The following CBFA2T3 variants were observed in gnomAD, a reference collection of about 807,000 sequenced individuals.
The protein encoded by CBFA2T3 is CBFA2/RUNX1 partner transcriptional co-repressor 3.
CBFA2T3 carries 31 observed loss-of-function variants against 58.6 expected under a neutral mutation model. That is an observed-to-expected ratio of 0.53 (90% CI 0.40 to 0.71). CBFA2T3 has a LOEUF of 0.71. Ranked by LOEUF, CBFA2T3 falls within the 30% of genes least tolerant of loss-of-function variation. CBFA2T3 has a pLI of 0.00. For missense variants in CBFA2T3, 1,076 were observed against 963.1 expected (o/e 1.12, Z -1.55); for synonymous variants, 531 against 421.9 (o/e 1.26, Z -3.17).
intron 1 of CBFA2T3, among the ~76,000 whole-genome samples, chr16:88,904,194 G>A (rs1970213511): frequency 6.6e-6 from 1 of 152,192 alleles, no homozygotes; most frequent in South Asian, 2.1e-4. Flanking sequence ...AGCAGTCGGG[G>A]ACTTCATGTG....
At chr16:88,923,161 G>A (rs1479365287) in intron 1 of CBFA2T3, among the ~76,000 whole-genome samples, 1 of 152,228 alleles carries the variant, frequency 6.6e-6, no homozygotes, top group African/African-American at 2.4e-5. Context: ...GGCACAGCAG[G>A]TTGGCGAGCT....
At chr16:88,893,754 A>T (rs1345908116) in intron 3 of CBFA2T3, among the ~76,000 whole-genome samples, 1 of 152,198 alleles carries the variant, frequency 6.6e-6, no homozygotes, top group Non-Finnish European at 1.5e-5. Context: ...CTGCTATGGA[A>T]AGTCCCAGGG....
At chr16:88,902,019 C>CG (rs1183954551) in intron 1 of CBFA2T3, among the ~76,000 whole-genome samples, 3 of 152,200 alleles carry the variant, frequency 2.0e-5, no homozygotes, top group Admixed American at 6.5e-5. Context: ...GAGCATCCCC[C>CG]GGGGGGTGTT....
intron 1 of CBFA2T3, chr16:88,939,258 G>A (rs1454751040): frequency 6.6e-6 from 1 of 152,216 alleles, no homozygotes; most frequent in African/African-American, 2.4e-5. Context: ...CGATGTCTGG[G>A]GAAAGCCCTC....
chr16:88,921,472 G>A (rs1367497275), intron 1 of CBFA2T3, among the ~76,000 whole-genome samples: 4 of 152,166 alleles, frequency 2.6e-5, no homozygotes, highest in African/African-American at 7.2e-5. Flanking sequence ...GGGATTTCCC[G>A]ATCCAGGGCG....
intron 1 of CBFA2T3, among the ~76,000 whole-genome samples, chr16:88,947,132 C>A (rs894233752): frequency 6.6e-6 from 1 of 152,194 alleles, no homozygotes; most frequent in East Asian, 1.9e-4. Context: ...TCGGTTGTAA[C>A]GAATGTATCA....
At chr16:88,926,087 G>A (rs781071084) in intron 1 of CBFA2T3, among the ~76,000 whole-genome samples, 4 of 152,158 alleles carry the variant, frequency 2.6e-5, no homozygotes, top group Non-Finnish European at 4.4e-5. Context: ...GGCGCTGGGC[G>A]GTCTCACGTT....
chr16:88,905,168 T>C lies in CBFA2T3; in HGVS notation c.152-3512A>G, dbSNP rs896459897. ...GTGGGCAGCGGGGAGTCTGGAGCTC[T>C]GCACAGCAGCAGCTGGCGCCGTCTC... On this transcript the variant is annotated intron_variant, in intron 1 of 11. Coordinates refer to ENST00000268679, the MANE Select transcript of CBFA2T3 (RefSeq NM_005187.6). Among the ~76,000 whole-genome samples the C allele has an allele frequency of 5.9e-5, 9 of 152,154 alleles. 1 individual carries two copies. Among genetic ancestry groups the C allele is most frequent in the African/African-American group, 2.2e-4 (9 of 41,494 alleles).
In CBFA2T3 at chr16:88,895,913, G is replaced by A. The variant is rs564410438; in HGVS notation, c.379+2165C>T. Among the ~76,000 whole-genome samples the A allele has an allele frequency of 2.4e-3, 372 of 152,230 alleles. 1 individual carries two copies. The highest frequency in any genetic ancestry group is 8.7e-3 in the African/African-American group (363 of 41,530). On this transcript the variant is annotated intron_variant, in intron 3 of 11. Coordinates refer to ENST00000268679, the MANE Select transcript of CBFA2T3 (RefSeq NM_005187.6). ...GCCTCAGTTTCTTCATTTGCAAATG[G>A]CTCCCAACCCATCCTGGAGTTCCAA...
At chr16:88,910,894 C>CCCAGCCT (rs1254079478) in intron 1 of CBFA2T3, among the ~76,000 whole-genome samples, 2 of 152,178 alleles carry the variant, frequency 1.3e-5, no homozygotes, top group Non-Finnish European at 2.9e-5. Context: ...GCCCCCAGCC[C>CCCAGCCT]CCAGCCTCCA....
chr16:88,898,031 C>A (rs752750349), intron 3 of CBFA2T3, 47 bp downstream of exon 3: 11 of 1,369,658 alleles, frequency 8.0e-6, no homozygotes, highest in South Asian at 3.5e-5. Context: ...GAGGATGCTG[C>A]GGTGAAGACC....
intron 1 of CBFA2T3, among the ~76,000 whole-genome samples, chr16:88,963,128 G>A (rs1440931790): frequency 6.6e-6 from 1 of 152,098 alleles, no homozygotes; most frequent in African/African-American, 2.4e-5. Flanking sequence ...AATCTGGAGG[G>A]GGAGCTGGAA....
intron 1 of CBFA2T3, among the ~76,000 whole-genome samples, chr16:88,917,683 C>T (rs1034090380): frequency 1.3e-5 from 2 of 152,188 alleles, no homozygotes; most frequent in East Asian, 1.9e-4. Context: ...TAGGGTCTGG[C>T]GGCTCATGGT....
chr16:88,879,627 AC>A, intron 10 of CBFA2T3, 167 bp from the exon 11 acceptor site: 1 of 621,426 alleles, frequency 1.6e-6, no homozygotes, highest in South Asian at 2.0e-5. Context: ...GCAGCTGAAC[AC>A]ACGTAGCATC....
intron 1 of CBFA2T3, among the ~76,000 whole-genome samples, chr16:88,931,042 C>CG (rs1305106897): frequency 6.6e-6 from 1 of 151,990 alleles, no homozygotes; most frequent in African/African-American, 2.4e-5. Flanking sequence ...AAAAAAACAG[C>CG]GGGGAGACTG....
chr16:88,886,408 C>T, intron 5 of CBFA2T3: 1 of 362,820 alleles, frequency 2.8e-6, no homozygotes, highest in Non-Finnish European at 5.0e-6. Flanking sequence ...GAGCCCAGAT[C>T]CTGGACTCCC....
chr16:88,968,412 C>T (rs941221766), intron 1 of CBFA2T3, among the ~76,000 whole-genome samples: 1 of 152,198 alleles, frequency 6.6e-6, no homozygotes, highest in Non-Finnish European at 1.5e-5. Context: ...GCTGAGGGGC[C>T]GCAGGACAAG....
At position 88,898,267 on chromosome 16, in the gene CBFA2T3, C is replaced by T. The variant is rs572142000; in HGVS notation, c.305-115G>A. On this transcript the variant is annotated intron_variant, in intron 2 of 11. Transcript: ENST00000268679. Reference sequence around the variant, plus strand: ...TTCTCAGAGTGATTTTTGGTGGGGGCGTGGGCAGGAGACTGCCCTCAGGGG... The same window carrying T: ...TTCTCAGAGTGATTTTTGGTGGGGGTGTGGGCAGGAGACTGCCCTCAGGGG... The T allele has an allele frequency of 7.0e-5, 56 of 800,668 alleles. No individual in the cohort carries two copies. The Middle Eastern group carries it at 2.1e-3, about 30-fold the overall frequency. The allele number at this position is 800,668 out of a possible 1,614,324, so 49.6% of individuals were successfully genotyped here. A position where few individuals can be genotyped will look rare whatever the true frequency, so the allele number is the denominator to read the frequency against.
At chr16:88,900,169 G>A (rs1297087771) in intron 2 of CBFA2T3, among the ~76,000 whole-genome samples, 1 of 152,256 alleles carries the variant, frequency 6.6e-6, no homozygotes, top group Non-Finnish European at 1.5e-5. Flanking sequence ...GGCCCCGCGG[G>A]TGCAGGGAGT....
Sources: gnomAD v4.1 joint callset for allele counts (sites outside exome capture counted in the v4.1 genomes callset) on GRCh38, gnomAD v4.1.1 for gene constraint, MANE v1.5 for transcripts, NCBI Gene and HGNC (gene_info 2026-07-23, HGNC 2026-07-21) for gene names.